Variants in SPIDR observed in about 807,000 individuals in gnomAD.
The protein encoded by SPIDR is DNA repair-scaffolding protein.
SPIDR carries 93 observed loss-of-function variants against 104.6 expected under a neutral mutation model. That is an observed-to-expected ratio of 0.89 (90% CI 0.75 to 1.06). The LOEUF (loss-of-function observed/expected upper bound fraction) is 1.06, where lower values mean the gene tolerates loss of function less well. SPIDR is among the 50% of genes least tolerant of loss of function. The pLI, the probability that SPIDR is intolerant of heterozygous loss-of-function variation, is 0.00. For synonymous variants in SPIDR, 431 were observed against 416.9 expected (o/e 1.03, Z -0.41); for missense variants, 1,154 against 1,111.2 (o/e 1.04, Z -0.55).
chr8:47,719,135 G>A (rs1052374888), intron 16 of SPIDR, among the ~76,000 whole-genome samples: 7 of 152,178 alleles, frequency 4.6e-5, no homozygotes, highest in African/African-American at 1.7e-4. Context: ...ACGTCAGTTA[G>A]TAAATGTCCT....
At chr8:47,672,069 C>T (rs552269363) in intron 10 of SPIDR, among the ~76,000 whole-genome samples, 13 of 152,252 alleles carry the variant, frequency 8.5e-5, no homozygotes, top group African/African-American at 3.1e-4. Context: ...GTGATCCTCC[C>T]ACCTCAGCCC....
At chr8:47,644,175 C>A (rs1043933155) in intron 10 of SPIDR, among the ~76,000 whole-genome samples, 2 of 152,172 alleles carry the variant, frequency 1.3e-5, no homozygotes, top group African/African-American at 4.8e-5. Context: ...CCAAGCCAGT[C>A]CTGTGGTGTT....
intron 8 of SPIDR, among the ~76,000 whole-genome samples, chr8:47,461,999 A>G (rs1321127718): frequency 6.6e-6 from 1 of 151,822 alleles, no homozygotes; most frequent in Non-Finnish European, 1.5e-5. Flanking sequence ...TTGTTTTGTC[A>G]TATTACCGGA....
At chr8:47,262,469 T>TA (rs1379889129) in intron 1 of SPIDR, among the ~76,000 whole-genome samples, 3 of 152,190 alleles carry the variant, frequency 2.0e-5, no homozygotes, top group Admixed American at 2.0e-4. Flanking sequence ...TAAGTGGTTG[T>TA]AGTTCAGGAT....
chr8:47,689,377 G>A (rs945500970), intron 11 of SPIDR, among the ~76,000 whole-genome samples: 8 of 152,232 alleles, frequency 5.3e-5, no homozygotes, highest in Admixed American at 3.3e-4. Flanking sequence ...AAGGGAAACA[G>A]TGAAGTGTAA....
chr8:47,620,512 C>A (rs540853733), intron 10 of SPIDR, among the ~76,000 whole-genome samples: 1 of 152,094 alleles, frequency 6.6e-6, no homozygotes, highest in Admixed American at 6.5e-5. Flanking sequence ...AGGTGATCCA[C>A]CCGCCTCAGC....
At chr8:47,421,835 G>T (rs2065528392) in intron 7 of SPIDR, among the ~76,000 whole-genome samples, 1 of 152,222 alleles carries the variant, frequency 6.6e-6, no homozygotes, top group Non-Finnish European at 1.5e-5. Context: ...TAACAGTCAG[G>T]ACCCTCAGCT....
chr8:47,683,363 A>G (rs1414711604), intron 11 of SPIDR, among the ~76,000 whole-genome samples: 1 of 152,218 alleles, frequency 6.6e-6, no homozygotes, highest in East Asian at 1.9e-4. Context: ...CAGCAGGTTA[A>G]TAACACTTTT....
At chr8:47,406,625 AT>A (rs2062793564) in intron 6 of SPIDR, among the ~76,000 whole-genome samples, 1 of 152,232 alleles carries the variant, frequency 6.6e-6, no homozygotes, top group Non-Finnish European at 1.5e-5. Context: ...AATACTAGCA[AT>A]ATTATGTATT....
intron 7 of SPIDR, among the ~76,000 whole-genome samples, chr8:47,417,218 A>G (rs370584306): frequency 1.4e-4 from 22 of 152,294 alleles, no homozygotes; most frequent in African/African-American, 3.6e-4. Context: ...TTCCACAATG[A>G]TTGAACTAGT....
chr8:47,519,489 G>A (rs913858035), intron 8 of SPIDR, among the ~76,000 whole-genome samples: 1 of 152,162 alleles, frequency 6.6e-6, no homozygotes, highest in African/African-American at 2.4e-5. Flanking sequence ...TTTAAAAGAT[G>A]GCTTTGGTCA....
Position 47,712,748 on chromosome 8 carries a change from C to G in SPIDR, c.2064C>G (p.Pro688=), listed in dbSNP as rs751605556. 6.2e-7 allele frequency: 1 copy of G among 1,614,050 alleles called. No homozygotes were observed. The highest frequency in any genetic ancestry group is 1.3e-5 in the African/African-American group (1 of 74,916). ...TGCAAACGAAGGAGGAGAGAGACCC[C>G]AGGCTCCCCAAAACCCTGCTGGTCT... ...VTLQTKEERD[P]RLPKTLLVYV... Residue 688 remains proline (P), a synonymous_variant, in exon 15 of 20, where the codon CCC becomes CCG. Coordinates refer to ENST00000297423, the MANE Select transcript of SPIDR (RefSeq NM_001080394.4).
At chr8:47,448,279 C>T (rs2071062536) in intron 8 of SPIDR, among the ~76,000 whole-genome samples, 1 of 152,128 alleles carries the variant, frequency 6.6e-6, no homozygotes, top group African/African-American at 2.4e-5. Flanking sequence ...ACATAGTAGG[C>T]ACTCAGTAAC....
At chr8:47,498,329 G>A (rs1040988700) in intron 8 of SPIDR, among the ~76,000 whole-genome samples, 5 of 152,004 alleles carry the variant, frequency 3.3e-5, no homozygotes, top group Non-Finnish European at 7.4e-5. Flanking sequence ...GAATAACTGA[G>A]GTCAGCAGTT....
chr8:47,447,230 T>C (rs2070819503), intron 8 of SPIDR, among the ~76,000 whole-genome samples: 1 of 152,192 alleles, frequency 6.6e-6, no homozygotes, highest in Non-Finnish European at 1.5e-5. Context: ...TTTTGTTTTT[T>C]TGAGACAGAG....
chr8:47,426,597 G>A (rs1247042414), intron 7 of SPIDR, among the ~76,000 whole-genome samples: 1 of 152,168 alleles, frequency 6.6e-6, no homozygotes, highest in Non-Finnish European at 1.5e-5. Context: ...ACTTGAAGAT[G>A]TTTTAATAAC....
At chr8:47,665,177 C>G (rs888911954) in intron 10 of SPIDR, among the ~76,000 whole-genome samples, 1 of 152,144 alleles carries the variant, frequency 6.6e-6, no homozygotes, top group South Asian at 2.1e-4. Context: ...AAGAGAAAAT[C>G]TTGAAAACAA....
intron 1 of SPIDR, among the ~76,000 whole-genome samples, chr8:47,278,359 A>G (rs1208113332): frequency 1.3e-5 from 2 of 149,202 alleles, no homozygotes; most frequent in Admixed American, 6.7e-5. Flanking sequence ...TTGCTCTGTC[A>G]CCCAGGCTGG....
chr8:47,669,724 G>A (rs903585673), intron 10 of SPIDR, among the ~76,000 whole-genome samples: 10 of 152,136 alleles, frequency 6.6e-5, no homozygotes, highest in African/African-American at 2.2e-4. Flanking sequence ...AACACAGGCC[G>A]GGCACAGTGA....
Sources: gnomAD v4.1 joint callset for allele counts (sites outside exome capture counted in the v4.1 genomes callset) on GRCh38, gnomAD v4.1.1 for gene constraint, MANE v1.5 for transcripts, NCBI Gene and HGNC (gene_info 2026-07-23, HGNC 2026-07-21) for gene names.